The following SH3GL3 variants were observed in gnomAD, a reference collection of about 807,000 sequenced individuals.
The protein encoded by SH3GL3 is SH3 domain containing GRB2 like 3, endophilin A3.
SH3GL3 carries 33 observed loss-of-function variants against 47.7 expected under a neutral mutation model. The ratio of observed to expected loss-of-function variants is 0.69; its 90% CI spans 0.52 to 0.92. SH3GL3 has a LOEUF of 0.92. Ranked by LOEUF, SH3GL3 falls within the 40% of genes least tolerant of loss-of-function variation. The pLI is 0.00. For missense variants in SH3GL3, 363 were observed against 417.8 expected (o/e 0.87, Z 1.14); for synonymous variants, 155 against 148.8 (o/e 1.04, Z -0.30).
chr15:83,593,124 C>T (rs1263440608), intron 8 of SH3GL3, among the ~76,000 whole-genome samples: 3 of 152,026 alleles, frequency 2.0e-5, no homozygotes, highest in Admixed American at 2.0e-4. Flanking sequence ...GAGGTCAGGC[C>T]CTGTTAGTCC....
At chr15:83,531,764 A>C (rs1372902356) in intron 1 of SH3GL3, among the ~76,000 whole-genome samples, 3 of 152,066 alleles carry the variant, frequency 2.0e-5, no homozygotes, top group Admixed American at 2.0e-4. Context: ...GTTCATGGGA[A>C]TGGAGAAAAT....
chr15:83,527,916 A>G (rs2043497904), intron 1 of SH3GL3, among the ~76,000 whole-genome samples: 1 of 151,496 alleles, frequency 6.6e-6, no homozygotes, highest in African/African-American at 2.4e-5. Context: ...TGTTTTCATG[A>G]TGGTAGATAT....
At chr15:83,571,060 T>G (rs934552896) in intron 4 of SH3GL3, among the ~76,000 whole-genome samples, 14 of 152,196 alleles carry the variant, frequency 9.2e-5, no homozygotes, top group African/African-American at 3.4e-4. Flanking sequence ...ATTTCTGCTC[T>G]TCCAAGGAAG....
intron 1 of SH3GL3, among the ~76,000 whole-genome samples, chr15:83,518,213 C>T (rs887757613): frequency 4.6e-5 from 7 of 152,146 alleles, no homozygotes; most frequent in Non-Finnish European, 8.8e-5. Flanking sequence ...GTGCATGTGT[C>T]CTTTTGGTAG....
At chr15:83,572,793 C>T (rs2059575602) in intron 5 of SH3GL3, 95 bp downstream of exon 5, 4 of 853,574 alleles carry the variant, frequency 4.7e-6, no homozygotes, top group Non-Finnish European at 5.4e-6. Context: ...AAAGCATCAT[C>T]TTATGATGCT....
chr15:83,594,849 C>T (rs1030412838), intron 8 of SH3GL3, among the ~76,000 whole-genome samples: 1 of 152,182 alleles, frequency 6.6e-6, no homozygotes, highest in African/African-American at 2.4e-5. Flanking sequence ...GTCAAAAAAT[C>T]ATAGATGGCT....
intron 8 of SH3GL3, among the ~76,000 whole-genome samples, chr15:83,598,282 C>G (rs112294181): frequency 0.011 from 1,736 of 152,228 alleles, 34 homozygotes; most frequent in African/African-American, 0.037. Context: ...AGAAAGCCAG[C>G]CAGCTTTCAG....
rs2040003871 is a variant in SH3GL3 at position 83,456,753 on chromosome 15, AGAAATCACCCGTCTTCT to A, written c.45+9177_45+9193del. Among the ~76,000 whole-genome samples, 3 of 151,160 alleles carry A rather than the reference AGAAATCACCCGTCTTCT, an allele frequency of 2.0e-5. No homozygotes were observed. The East Asian group carries it at 6.0e-4, about 30-fold the overall frequency. On this transcript the variant is annotated intron_variant, in intron 1 of 8. Transcript: ENST00000427482. ...AACCCGGTACCTCAGATGGAAATGC[AGAAATCACCCGTCTTCT>A]GCGTCGCTCACGCTGGGAGCTGTAG...
At position 83,490,778 on chromosome 15, in the gene SH3GL3, TC is replaced by T. The variant is rs2041841619; in HGVS notation, c.45+43203del. Reference sequence around the variant, plus strand: ...AGCTTTTAAGTGAATAAGACCATTTTCCCAATGAGCAGTGTCATAAACATTG... The same window carrying T: ...AGCTTTTAAGTGAATAAGACCATTTTCCAATGAGCAGTGTCATAAACATTG... On this transcript the variant is annotated intron_variant, in intron 1 of 8. Transcript: ENST00000427482. 7 of 1,611,194 alleles carry T rather than the reference TC, an allele frequency of 4.3e-6. No individual in the cohort carries two copies. In the East Asian group the frequency reaches 8.9e-5, roughly 21 times the overall value.
At chr15:83,489,750 A>G (rs946788601) in intron 1 of SH3GL3, among the ~76,000 whole-genome samples, 4 of 152,136 alleles carry the variant, frequency 2.6e-5, no homozygotes, top group African/African-American at 9.7e-5. Flanking sequence ...CAAGTGGGGA[A>G]GTTAGACCTA....
chr15:83,589,390 T>G (rs2060034606), intron 8 of SH3GL3, among the ~76,000 whole-genome samples: 1 of 152,192 alleles, frequency 6.6e-6, no homozygotes. Flanking sequence ...CTTTTTTTCT[T>G]TTTTGAGACA....
intron 7 of SH3GL3, 94 bp downstream of exon 7, chr15:83,587,180 T>G: frequency 3.1e-6 from 2 of 638,366 alleles, no homozygotes; most frequent in Non-Finnish European, 5.4e-6. Context: ...CATCTCCCCC[T>G]TCCCCTGCCT....
chr15:83,572,129 T>C (rs2045849869), intron 4 of SH3GL3, among the ~76,000 whole-genome samples: 2 of 152,224 alleles, frequency 1.3e-5, no homozygotes. Flanking sequence ...GGCTAGAAGC[T>C]GAGATGTTTT....
Position 83,447,748 on chromosome 15 carries a change from G to GC in SH3GL3, c.45+170_45+171insC, listed in dbSNP as rs2039510828. Among the ~76,000 whole-genome samples the GC allele has an allele frequency of 6.6e-6, 1 of 152,154 alleles. No homozygotes were observed. The highest frequency in any genetic ancestry group is 1.5e-5 in the Non-Finnish European group (1 of 68,028). On this transcript the variant is annotated intron_variant, in intron 1 of 8. Coordinates refer to ENST00000427482, the MANE Select transcript of SH3GL3 (RefSeq NM_003027.5). The surrounding 1 kb of genome is among the most constrained non-coding windows in gnomAD (Gnocchi z 5.1). ...GTGAGGGGCCGCCTGCTCTCTCCTC[G>GC]GCGTCTTGGCGCCTTCTCCTTCCCA...
downstream of SH3GL3, among the ~76,000 whole-genome samples, chr15:83,622,887 G>A (rs184196891): frequency 1.8e-3 from 271 of 152,266 alleles, 2 homozygotes; most frequent in Admixed American, 0.013. Flanking sequence ...CCCTTCTGTT[G>A]GGCACAGACT....
chr15:83,540,540 T>C (rs948248526), intron 1 of SH3GL3, among the ~76,000 whole-genome samples: 7 of 152,192 alleles, frequency 4.6e-5, no homozygotes, highest in Admixed American at 3.3e-4. Context: ...CTAGTAATAA[T>C]GTTTTCTGTA....
At chr15:83,563,192 G>T (rs1263099170) in intron 2 of SH3GL3, among the ~76,000 whole-genome samples, 1 of 152,092 alleles carries the variant, frequency 6.6e-6, no homozygotes, top group Non-Finnish European at 1.5e-5. Flanking sequence ...TCTGCAGCTT[G>T]CTTGCTTTCT....
chr15:83,474,643 T>C (rs890920246), intron 1 of SH3GL3, among the ~76,000 whole-genome samples: 4 of 152,160 alleles, frequency 2.6e-5, no homozygotes, highest in African/African-American at 9.7e-5. Flanking sequence ...CAGTATTTGC[T>C]CAGGAGCTGC....
intron 8 of SH3GL3, among the ~76,000 whole-genome samples, chr15:83,612,333 G>A (rs2060691118): frequency 6.6e-6 from 1 of 152,228 alleles, no homozygotes; most frequent in Non-Finnish European, 1.5e-5. Flanking sequence ...GTCACAGGAG[G>A]CCTGGGGCCT....
Sources: gnomAD v4.1 joint callset for allele counts (sites outside exome capture counted in the v4.1 genomes callset) on GRCh38, gnomAD v4.1.1 for gene constraint, Gnocchi (gnomAD v3.1) non-coding constraint, MANE v1.5 for transcripts, NCBI Gene and HGNC (gene_info 2026-07-23, HGNC 2026-07-21) for gene names.